Variants in PARP4 observed in about 807,000 individuals in gnomAD.
PARP4 encodes protein mono-ADP-ribosyltransferase PARP4.
A neutral mutation model predicts 187.7 loss-of-function variants in PARP4; 120 were observed. The ratio of observed to expected loss-of-function variants is 0.64; its 90% CI spans 0.55 to 0.74. The LOEUF (loss-of-function observed/expected upper bound fraction) is 0.74. Ranked by LOEUF, PARP4 falls within the 30% of genes least tolerant of loss-of-function variation. The pLI is 0.00. For missense variants in PARP4, 1,836 were observed against 2,070.5 expected (o/e 0.89, Z 2.20); for synonymous variants, 654 against 740.9 (o/e 0.88, Z 1.90).
chr13:24,479,792 C>T (rs911897850), intron 12 of PARP4, among the ~76,000 whole-genome samples: 3 of 152,350 alleles, frequency 2.0e-5, no homozygotes, highest in South Asian at 2.1e-4. Context: ...GGTCCTCTTC[C>T]GCACTGTGGA....
chr13:24,434,801 G>C lies in PARP4; in HGVS notation c.4340C>G (p.Pro1447Arg). The change falls in exon 31 of 34, where the codon CCC (proline) becomes CGC (arginine). Residue 1447 changes from proline to arginine, a missense_variant. Physicochemically the swap from Pro to Arg is moderately radical, Grantham distance 103 (BLOSUM62 -2). This residue lies in a region of PARP4 where 450 missense variants were observed against 439.2 expected (regional missense o/e 1.02). Coordinates refer to ENST00000381989, the MANE Select transcript of PARP4 (RefSeq NM_006437.4). ...ATGATAAGACCCAAAACCTCTGATG[G>C]GATCAGGGTCTGTAGGAAGAGAGAA... ...LHFSLPTDPD[P>R]IRGFGSYHPS... 1 of 1,612,610 alleles carries C rather than the reference G, an allele frequency of 6.2e-7. No individual in the cohort carries two copies. The highest frequency in any genetic ancestry group is 2.2e-5 in the East Asian group (1 of 44,844).
chr13:24,460,058 T>G lies in PARP4; in HGVS notation c.2212A>C (p.Ser738Arg). ...LIKITYITEL[S>R]ILGTVGVFFM... is the part of the protein sequence containing the mutation. ...AAGACACCAACAGTGCCCAGGATGC[T>G]GAGTTCTGTGATGTAGGTAATTTTT... Residue 738 changes from serine (S) to arginine (R), a missense_variant, in exon 18 of 34, where the codon AGC (serine) becomes CGC (arginine). By Grantham distance (110) the Ser-to-Arg change is moderately radical. This residue lies in a region of PARP4 where 1,147 missense variants were observed against 1,214.2 expected (regional missense o/e 0.94). Transcript: ENST00000381989. The G allele has an allele frequency of 1.2e-6, 2 of 1,614,080 alleles. No homozygotes were observed. Among genetic ancestry groups the G allele is most frequent in the Non-Finnish European group, 1.7e-6 (2 of 1,179,932 alleles).
At position 24,501,804 on chromosome 13, in the gene PARP4, C is replaced by T; in HGVS notation, c.163G>A (p.Val55Ile). ...CTHIILDNAD[V>I]LSQYQLNSIQ... ...GAATTCAGTTGGTACTGACTCAGAA[C>T]ATCAGCATTATCTAAGATTATATGT... Residue 55 changes from valine (V) to isoleucine (I), a missense_variant, in exon 3 of 34, where the codon GTT becomes ATT. Coordinates refer to ENST00000381989, the MANE Select transcript of PARP4 (RefSeq NM_006437.4). The T allele has an allele frequency of 6.2e-7, 1 of 1,611,968 alleles. No individual in the cohort carries two copies. Among genetic ancestry groups the T allele is most frequent in the Non-Finnish European group, 8.5e-7 (1 of 1,178,192 alleles).
intron 12 of PARP4, among the ~76,000 whole-genome samples, chr13:24,480,115 C>T (rs991603094): frequency 3.9e-5 from 6 of 152,214 alleles, no homozygotes; most frequent in Admixed American, 6.5e-5. Context: ...GGAACTGTAA[C>T]ACTCACCGCG....
chr13:24,490,589 T>G, intron 10 of PARP4, 79 bp downstream of exon 10: 1 of 1,053,380 alleles, frequency 9.5e-7, no homozygotes, highest in African/African-American at 1.6e-5. Flanking sequence ...ATCTAGGTAA[T>G]TACTGTAATT....
chr13:24,504,366 T>C (rs1869489911), intron 1 of PARP4, among the ~76,000 whole-genome samples: 2 of 134,180 alleles, frequency 1.5e-5, no homozygotes, highest in East Asian at 2.3e-4. Flanking sequence ...CAAGCTGGAG[T>C]GCAGTGGTGC....
At position 24,421,145 on chromosome 13, in the gene PARP4, T is replaced by C; in HGVS notation, c.5149A>G (p.Arg1717Gly). ...TAGCCTTGACTGTAATGGAGGACTC[T>C]ATGAAGAGGGGACACAGTGCTTATG... ...QPISTVSPLH[R>G]VLHYSQG The change falls in exon 34 of 34, where the codon AGA becomes GGA. Residue 1717 changes from arginine to glycine, a missense_variant. Physicochemically the swap from Arg to Gly is moderately radical, Grantham distance 125. Coordinates refer to ENST00000381989, the MANE Select transcript of PARP4 (RefSeq NM_006437.4). 6.8e-7 allele frequency: 1 copy of C among 1,468,762 alleles called. No homozygotes were observed. Among genetic ancestry groups the C allele is most frequent in the Non-Finnish European group, 9.1e-7 (1 of 1,101,618 alleles). The allele number at this position is 1,468,762 out of a possible 1,614,324, so 91.0% of individuals were successfully genotyped here.
intron 1 of PARP4, among the ~76,000 whole-genome samples, 173 bp from the exon 2 acceptor site, chr13:24,503,950 T>C (rs1869458612): frequency 6.6e-6 from 1 of 152,212 alleles, no homozygotes; most frequent in African/African-American, 2.4e-5. Flanking sequence ...TTGCAATATG[T>C]GTGTTGGTTT....
chr13:24,468,632 G>A (rs1306722817), intron 17 of PARP4, among the ~76,000 whole-genome samples: 1 of 152,104 alleles, frequency 6.6e-6, no homozygotes, highest in Non-Finnish European at 1.5e-5. Context: ...TCAAATTCCT[G>A]ACCTCAGGTG....
rs147002369 is a variant in PARP4, at chr13:24,465,986, G to C, written c.2133+3038C>G. Among the ~76,000 whole-genome samples the C allele has an allele frequency of 2.6e-5, 4 of 152,280 alleles. No homozygotes were observed. The East Asian group carries it at 7.7e-4, about 29-fold the overall frequency. On this transcript the variant is annotated intron_variant, in intron 17 of 33. Transcript: ENST00000381989. ...ATGTGGTAAGTTACAGATGTATATA[G>C]TAGTAAACCCTAAAGCAGTGCTGAC... is the stretch of plus-strand genomic sequence containing the variant.
At chr13:24,454,796 G>T (rs2137474078) in intron 22 of PARP4, among the ~76,000 whole-genome samples, 1 of 152,318 alleles carries the variant, frequency 6.6e-6, no homozygotes. Flanking sequence ...GGAGGCACCA[G>T]AAGTTCAAGT....
intron 12 of PARP4, among the ~76,000 whole-genome samples, chr13:24,479,407 A>C (rs1873148111): frequency 6.6e-6 from 1 of 151,686 alleles, no homozygotes; most frequent in Non-Finnish European, 1.5e-5. Context: ...TTCCTATCTC[A>C]CCACGTTCTG....
chr13:24,430,451 G>A (rs943918147), intron 32 of PARP4, among the ~76,000 whole-genome samples: 53 of 152,062 alleles, frequency 3.5e-4, no homozygotes, highest in African/African-American at 5.5e-4. Context: ...TCACAAGTTC[G>A]AGACCACACT....
At chr13:24,490,631 A>G (rs1312184924) in intron 10 of PARP4, 37 bp downstream of exon 10, 3 of 1,534,802 alleles carry the variant, frequency 2.0e-6, no homozygotes, top group Non-Finnish European at 2.7e-6. Flanking sequence ...AGAGCATTAT[A>G]TTATAACAGA....
rs567751793 is a variant in PARP4 at position 24,440,267 on chromosome 13, G to A, written c.3666+1579C>T. On this transcript the variant is annotated intron_variant, in intron 30 of 33. Transcript: ENST00000381989. ...ACAAAAATTAGCTGAGTGTGGTGGC[G>A]CGTACCTGTAATCTCAGCAACTCAG... Among the ~76,000 whole-genome samples, 87 of 151,822 alleles carry A rather than the reference G, an allele frequency of 5.7e-4. No homozygotes were observed. The East Asian group carries it at 7.6e-3, about 13-fold the overall frequency.
rs772400621 is a variant in PARP4, at chr13:24,426,463, C to T, written c.4979+3G>A. ...AGTTGCATAATACTATAGTTAAAGCCACCTGGAAATAGAAGCGTCATCCAT... is the reference window on the plus strand; with the variant it reads ...AGTTGCATAATACTATAGTTAAAGCTACCTGGAAATAGAAGCGTCATCCAT... On this transcript the variant is annotated splice_donor_region_variant and intron_variant, in intron 33 of 33. Transcript: ENST00000381989. 6.2e-7 allele frequency: 1 copy of T among 1,605,494 alleles called. No homozygotes were observed. Among genetic ancestry groups the T allele is most frequent in the South Asian group, 1.1e-5 (1 of 89,886 alleles).
At chr13:24,490,255 C>T (rs1305407112) in intron 10 of PARP4, among the ~76,000 whole-genome samples, 3 of 149,874 alleles carry the variant, frequency 2.0e-5, no homozygotes, top group Non-Finnish European at 4.5e-5. Flanking sequence ...CCAAGTGTAA[C>T]TGGTATTTAG....
intron 2 of PARP4, among the ~76,000 whole-genome samples, chr13:24,502,998 G>A (rs1869395041): frequency 6.6e-6 from 1 of 152,212 alleles, no homozygotes; most frequent in Admixed American, 6.5e-5. Flanking sequence ...GACAGGGGCA[G>A]GCCAGCCTGG....
intron 12 of PARP4, among the ~76,000 whole-genome samples, chr13:24,482,741 T>A (rs764907347): frequency 2.2e-4 from 33 of 152,232 alleles, no homozygotes; most frequent in Non-Finnish European, 2.5e-4. Context: ...CAAAAATGTG[T>A]GTGACTCACT....
Sources: gnomAD v4.1 joint callset for allele counts (sites outside exome capture counted in the v4.1 genomes callset) on GRCh38, gnomAD v4.1.1 for gene constraint, gnomAD v4.1.1 regional missense constraint, MANE v1.5 for transcripts, NCBI Gene and HGNC (gene_info 2026-07-23, HGNC 2026-07-21) for gene names.